Variants in FAM171B observed in about 807,000 individuals in gnomAD.
FAM171B encodes family with sequence similarity 171 member B.
Under a neutral mutation model 75.6 loss-of-function variants are expected in FAM171B, and 19 were observed. That is an observed-to-expected ratio of 0.25 (90% CI 0.18 to 0.37). The LOEUF (loss-of-function observed/expected upper bound fraction) is 0.37, where lower values mean the gene tolerates loss of function less well. FAM171B is among the 10% of genes least tolerant of loss of function. The pLI, the probability that FAM171B is intolerant of heterozygous loss-of-function variation, is 1.00. For missense variants in FAM171B, 848 were observed against 982.4 expected, an observed-to-expected ratio of 0.86 and a Z score of 1.83; for synonymous variants, 367 against 361.7, an observed-to-expected ratio of 1.01 and a Z score of -0.17.
In FAM171B at chr2:186,747,209, A is replaced by G; in HGVS notation, c.683A>G (p.Asp228Gly). 1 of 1,604,800 alleles carries G rather than the reference A, an allele frequency of 6.2e-7. No homozygotes were observed. The highest frequency in any genetic ancestry group is 8.5e-7 in the Non-Finnish European group (1 of 1,176,724). The part of the protein sequence containing the change: ...LTVLQQFLKV[D>G]NFLHTTGITL... ...GTTCTACAACAGTTTTTGAAAGTGG[A>G]CAATTTTCTGCATACAACTGGAATT... Residue 228 changes from aspartate to glycine, a missense_variant, in exon 4 of 8, where the codon GAC (aspartate) becomes GGC (glycine). Transcript: ENST00000304698.
rs779463113 is a variant in FAM171B, at chr2:186,762,792, G to A, written c.2450G>A (p.Arg817Gln). The A allele has an allele frequency of 5.0e-6, 8 of 1,612,616 alleles. No individual in the cohort carries two copies. The Admixed American group carries it at 5.0e-5, about 10-fold the overall frequency. The change falls in exon 8 of 8, where the codon CGA becomes CAA. Residue 817 changes from arginine (R) to glutamine (Q), a missense_variant. By Grantham distance (43) the Arg-to-Gln change is conservative. Around this residue, in one of 3 missense-constraint regions of FAM171B, gnomAD observed 136 missense variants for 159.3 expected, o/e 0.85. Transcript: ENST00000304698. This position sits in a 1 kb window ranked among gnomAD's most constrained non-coding sequence, Gnocchi z 4.0. ...RDSKTNIWKK[R>Q]EERPLIPIN ...AGCAAGACTAACATCTGGAAGAAGC[G>A]AGAGGAACGCCCACTGATTCCCATA...
intron 1 of FAM171B, among the ~76,000 whole-genome samples, chr2:186,739,849 C>A (rs892977929): frequency 6.6e-6 from 1 of 152,136 alleles, no homozygotes; most frequent in Non-Finnish European, 1.5e-5. Flanking sequence ...ATATGCTATA[C>A]TTTCATACAA....
At chr2:186,733,345 G>A (rs1210705024) in intron 1 of FAM171B, among the ~76,000 whole-genome samples, 2 of 152,242 alleles carry the variant, frequency 1.3e-5, no homozygotes, top group Non-Finnish European at 2.9e-5. Flanking sequence ...AATGAAGAAA[G>A]AGTTTAGTTC....
At chr2:186,721,879 A>T (rs762495900) in intron 1 of FAM171B, among the ~76,000 whole-genome samples, 38 of 151,492 alleles carry the variant, frequency 2.5e-4, no homozygotes, top group Non-Finnish European at 7.4e-5. Context: ...TGTCTAACTT[A>T]GTAGTCATTT....
In FAM171B at chr2:186,762,643, G is replaced by A; in HGVS notation, c.2301G>A (p.Gly767=). ...DPALRHILDG[G]SGVIMEHPGE... ...CTTTAAGGCACATCCTAGATGGAGG[G>A]AGTGGAGTGATCATGGAGCACCCTG... Residue 767 remains glycine (G), a synonymous_variant, in exon 8 of 8, where the codon GGG becomes GGA. Transcript: ENST00000304698. The surrounding 1 kb of genome is among the most constrained non-coding windows in gnomAD (Gnocchi z 4.0). 1.9e-6 allele frequency: 3 copies of A among 1,613,354 alleles called. No homozygotes were observed. In the Admixed American group the frequency reaches 5.0e-5, roughly 27 times the overall value.
intron 1 of FAM171B, among the ~76,000 whole-genome samples, chr2:186,707,644 C>T (rs1335044840): frequency 6.6e-6 from 1 of 152,110 alleles, no homozygotes; most frequent in African/African-American, 2.4e-5. Flanking sequence ...ACTCCAGCTT[C>T]TTTCCTACTT....
intron 4 of FAM171B, among the ~76,000 whole-genome samples, chr2:186,750,291 G>T (rs1177055362): frequency 6.6e-6 from 1 of 152,122 alleles, no homozygotes; most frequent in Non-Finnish European, 1.5e-5. Context: ...GGCACTTTCT[G>T]CTCCCTCTCT....
intron 3 of FAM171B, among the ~76,000 whole-genome samples, chr2:186,745,113 T>A (rs1380974626): frequency 6.6e-6 from 1 of 152,196 alleles, no homozygotes; most frequent in Non-Finnish European, 1.5e-5. Flanking sequence ...CTGCCATGAC[T>A]GGCCTTGCCA....
At chr2:186,760,921 G>A (rs1243609038) in intron 6 of FAM171B, among the ~76,000 whole-genome samples, 192 bp from the exon 7 acceptor site, 1 of 151,956 alleles carries the variant, frequency 6.6e-6, no homozygotes, top group Non-Finnish European at 1.5e-5. Context: ...ACATTTCATT[G>A]GTTAAAGCGA....
chr2:186,703,011 G>A (rs1262945758), intron 1 of FAM171B, among the ~76,000 whole-genome samples: 2 of 151,106 alleles, frequency 1.3e-5, no homozygotes, highest in African/African-American at 4.9e-5. Context: ...GTTCAGTTTT[G>A]TTCCTGTTCA....
At chr2:186,712,693 T>C (rs535462780) in intron 1 of FAM171B, among the ~76,000 whole-genome samples, 1 of 152,204 alleles carries the variant, frequency 6.6e-6, no homozygotes, top group Non-Finnish European at 1.5e-5. Context: ...ATTTCTGCCT[T>C]TATTTTTGTC....
At position 186,764,917 on chromosome 2, in the gene FAM171B, A is replaced by G. The variant is rs1040596715; in HGVS notation, c.*2094A>G. On this transcript the variant is annotated 3_prime_UTR_variant, in exon 8 of 8. Coordinates refer to ENST00000304698, the MANE Select transcript of FAM171B (RefSeq NM_177454.4). The stretch of plus-strand genomic sequence containing the variant: ...ATCTCAGCTTGGTAATGAAATACAC[A>G]TATTGGTATAAGGGTATACCATTCA... 8 of 151,994 alleles carry G rather than the reference A, an allele frequency of 5.3e-5. No homozygotes were observed. Among genetic ancestry groups the G allele is most frequent in the Admixed American group, 5.3e-4 (8 of 15,236 alleles). The allele number at this position is 151,994 out of a possible 1,614,324, so 9.4% of individuals were successfully genotyped here. A position where few individuals can be genotyped will look rare whatever the true frequency, so the allele number is the denominator to read the frequency against.
intron 1 of FAM171B, among the ~76,000 whole-genome samples, chr2:186,710,275 T>G (rs1352022367): frequency 2.0e-5 from 3 of 152,228 alleles, no homozygotes; most frequent in Non-Finnish European, 4.4e-5. Context: ...AGGGTACTTG[T>G]GTGGTGTGTT....
intron 1 of FAM171B, among the ~76,000 whole-genome samples, chr2:186,700,283 T>A (rs1213199932): frequency 7.9e-5 from 12 of 151,990 alleles, no homozygotes; most frequent in Non-Finnish European, 2.9e-5. Flanking sequence ...AATGTACATA[T>A]GTGAAATGTA....
chr2:186,748,545 T>A (rs1278160094), intron 4 of FAM171B, among the ~76,000 whole-genome samples: 3 of 152,158 alleles, frequency 2.0e-5, no homozygotes, highest in Admixed American at 6.5e-5. Flanking sequence ...GACTTGGCCA[T>A]CACATGGGGC....
chr2:186,736,566 G>GTGTGTGTGTGT (rs1553511472), intron 1 of FAM171B, among the ~76,000 whole-genome samples: 7 of 128,108 alleles, frequency 5.5e-5, no homozygotes, highest in African/African-American at 8.7e-5. Flanking sequence ...GTGTGTGTGT[G>GTGTGTGTGTGT]GGAGAGAGAG....
At position 186,761,931 on chromosome 2, in the gene FAM171B, A is replaced by G; in HGVS notation, c.1589A>G (p.Gln530Arg). The change falls in exon 8 of 8, where the codon CAG (glutamine) becomes CGG (arginine). Residue 530 changes from glutamine to arginine, a missense_variant. Gln to Arg is a conservative substitution (Grantham distance 43). Transcript: ENST00000304698. ...EAYGRSHIPE[Q>R]LMHIYSQPIA... ...TATGGGCGTTCCCATATTCCTGAAC[A>G]GCTTATGCATATTTACAGCCAACCC... 2 of 1,613,408 alleles carry G rather than the reference A, an allele frequency of 1.2e-6. No individual in the cohort carries two copies. The highest frequency in any genetic ancestry group is 2.2e-5 in the East Asian group (1 of 44,826).
intron 1 of FAM171B, among the ~76,000 whole-genome samples, chr2:186,710,901 T>C (rs919068172): frequency 4.0e-5 from 6 of 151,332 alleles, no homozygotes; most frequent in East Asian, 1.9e-4. Context: ...CACACACACA[T>C]ACACACAATA....
chr2:186,736,293 T>A (rs552250570), intron 1 of FAM171B, among the ~76,000 whole-genome samples: 31 of 152,308 alleles, frequency 2.0e-4, no homozygotes, highest in African/African-American at 6.7e-4. Context: ...TGAGTTTATG[T>A]CCTGTTTCCT....
Sources: gnomAD v4.1 joint callset for allele counts (sites outside exome capture counted in the v4.1 genomes callset) on GRCh38, gnomAD v4.1.1 for gene constraint, gnomAD v4.1.1 regional missense constraint, Gnocchi (gnomAD v3.1) non-coding constraint, MANE v1.5 for transcripts, NCBI Gene and HGNC (gene_info 2026-07-23, HGNC 2026-07-21) for gene names.